The following CCDC174 variants were observed in gnomAD, a reference collection of about 807,000 sequenced individuals.
The protein encoded by CCDC174 is coiled-coil domain-containing protein 174.
CCDC174 carries 37 observed loss-of-function variants against 57.1 expected under a neutral mutation model. The ratio of observed to expected loss-of-function variants is 0.65; its 90% CI spans 0.50 to 0.85. The LOEUF (loss-of-function observed/expected upper bound fraction) is 0.85, where lower values mean the gene tolerates loss of function less well. CCDC174 is among the 40% of genes least tolerant of loss of function. The pLI is 0.00. For synonymous variants in CCDC174, 182 were observed against 190.2 expected (o/e 0.96, Z 0.35); for missense variants, 540 against 574.3 (o/e 0.94, Z 0.61).
At chr3:14,667,790 G>A (rs1052997010) in intron 8 of CCDC174, among the ~76,000 whole-genome samples, 16 of 152,188 alleles carry the variant, frequency 1.1e-4, no homozygotes, top group Non-Finnish European at 8.8e-5. Flanking sequence ...GGATTAAGGT[G>A]TAGGACGGAA....
chr3:14,669,287 A>G (rs1242564325), intron 9 of CCDC174, among the ~76,000 whole-genome samples: 1 of 152,208 alleles, frequency 6.6e-6, no homozygotes. Flanking sequence ...ACAGACCAGA[A>G]ACATTTAGGA....
chr3:14,671,065 T>C lies in CCDC174; in HGVS notation c.1275T>C (p.Pro425=). The C allele has an allele frequency of 1.2e-6, 2 of 1,614,196 alleles. No homozygotes were observed. Among genetic ancestry groups the C allele is most frequent in the South Asian group, 1.1e-5 (1 of 91,088 alleles). ...CACAGAGTGACCCAGGGCAGTGCCCTGACCAGAGCCACGGACCTAGCCCTG... is the reference window on the plus strand; with the variant it reads ...CACAGAGTGACCCAGGGCAGTGCCCCGACCAGAGCCACGGACCTAGCCCTG... ...GPAQSDPGQC[P]DQSHGPSPEH... Residue 425 remains proline, a synonymous_variant, in exon 11 of 11, where the codon CCT becomes CCC. Coordinates refer to ENST00000383794, the MANE Select transcript of CCDC174 (RefSeq NM_016474.5).
At chr3:14,663,598 C>G (rs563591945) in intron 5 of CCDC174, among the ~76,000 whole-genome samples, 2 of 152,272 alleles carry the variant, frequency 1.3e-5, no homozygotes, top group South Asian at 4.1e-4. Context: ...GCAGGGGTTG[C>G]TCAGTGGGTG....
intron 1 of CCDC174, among the ~76,000 whole-genome samples, chr3:14,653,797 C>T (rs998644691): frequency 6.6e-6 from 1 of 152,194 alleles, no homozygotes; most frequent in African/African-American, 2.4e-5. Context: ...TATTTTATTT[C>T]TAGCTGTTGA....
In CCDC174 at chr3:14,671,077, C is replaced by T. The variant is rs769604455; in HGVS notation, c.1287C>T (p.His429=). Residue 429 remains histidine, a synonymous_variant, in exon 11 of 11, where the codon CAC becomes CAT. Transcript: ENST00000383794. The part of the protein sequence containing the change: ...SDPGQCPDQS[H]GPSPEHTSPT... ...CAGGGCAGTGCCCTGACCAGAGCCA[C>T]GGACCTAGCCCTGAACATACGTCAC... The T allele has an allele frequency of 1.2e-5, 20 of 1,614,090 alleles. No individual in the cohort carries two copies. The Admixed American group carries it at 2.5e-4, about 20-fold the overall frequency.
At chr3:14,668,772 A>G (rs1040433832) in intron 9 of CCDC174, among the ~76,000 whole-genome samples, 2 of 152,192 alleles carry the variant, frequency 1.3e-5, no homozygotes, top group African/African-American at 2.4e-5. Flanking sequence ...TGGCTCAAAC[A>G]AAATAGAGAT....
rs2031499959 is a variant in CCDC174 at position 14,671,222 on chromosome 3, G to C, written c.*28G>C. On this transcript the variant is annotated 3_prime_UTR_variant, in exon 11 of 11. Coordinates refer to ENST00000383794, the MANE Select transcript of CCDC174 (RefSeq NM_016474.5). ...TTTCAAAGCACGCTGACTTGGGTTT[G>C]TACTTTGACAGTGCCTTTCTCTCCC... The C allele has an allele frequency of 6.3e-7, 1 of 1,578,060 alleles. No individual in the cohort carries two copies.
At chr3:14,667,948 G>C in intron 8 of CCDC174, 101 bp from the exon 9 acceptor site, 1 of 1,191,162 alleles carries the variant, frequency 8.4e-7, no homozygotes. Context: ...GTGGCCTGAA[G>C]ATCAATTAAC....
At position 14,661,717 on chromosome 3, in the gene CCDC174, ATCATGGATTAGC is replaced by A; in HGVS notation, c.485+14_485+25del. Reference sequence around the variant, plus strand: ...ACCCCAGTGAAGAATGGTTGGTAACATCATGGATTAGCTCAGAGGAACATCCTCAGACTTGCG... The same window carrying A: ...ACCCCAGTGAAGAATGGTTGGTAACATCAGAGGAACATCCTCAGACTTGCG... On this transcript the variant is annotated intron_variant, in intron 5 of 10. Coordinates refer to ENST00000383794, the MANE Select transcript of CCDC174 (RefSeq NM_016474.5). The A allele has an allele frequency of 9.3e-6, 15 of 1,606,214 alleles. No homozygotes were observed. The highest frequency in any genetic ancestry group is 2.7e-5 in the African/African-American group (2 of 74,566).
intron 3 of CCDC174, 152 bp downstream of exon 3, chr3:14,655,781 G>T (rs973956154): frequency 2.2e-5 from 10 of 458,868 alleles, no homozygotes; most frequent in African/African-American, 1.6e-4. Flanking sequence ...AATATAATTT[G>T]CAGATATATC....
At chr3:14,655,437 T>C in intron 2 of CCDC174, 92 bp from the exon 3 acceptor site, 1 of 742,534 alleles carries the variant, frequency 1.3e-6, no homozygotes, top group Admixed American at 2.4e-5. Flanking sequence ...TAAGAACTCA[T>C]GATCTCCTTT....
rs765657012 is a variant in CCDC174, at chr3:14,667,425, G to A, written c.726G>A (p.Glu242=). 4 of 1,613,542 alleles carry A rather than the reference G, an allele frequency of 2.5e-6. No individual in the cohort carries two copies. The highest frequency in any genetic ancestry group is 3.4e-6 in the Non-Finnish European group (4 of 1,179,628). The change falls in exon 8 of 11, where the codon GAG becomes GAA. Residue 242 remains glutamate (E), a splice_region_variant and synonymous_variant. Transcript: ENST00000383794. The part of the protein sequence containing the change: ...PVHYEDIREN[E]ARQLGVGYFA... ...TTGGGTAATTCATACTTCTTTCAGAGGCCCGGCAACTTGGTGTTGGGTATT... is the reference window on the plus strand; with the variant it reads ...TTGGGTAATTCATACTTCTTTCAGAAGCCCGGCAACTTGGTGTTGGGTATT...
chr3:14,663,985 G>A (rs778033990), intron 5 of CCDC174, among the ~76,000 whole-genome samples: 25 of 152,062 alleles, frequency 1.6e-4, no homozygotes, highest in Admixed American at 1.0e-3. Context: ...AAATCTTTCC[G>A]TAAAGATACT....
chr3:14,665,447 C>G (rs1393967192), intron 6 of CCDC174, among the ~76,000 whole-genome samples: 1 of 152,192 alleles, frequency 6.6e-6, no homozygotes, highest in African/African-American at 2.4e-5. Context: ...AGAATATACA[C>G]TTGATTATCC....
intron 1 of CCDC174, among the ~76,000 whole-genome samples, chr3:14,652,386 G>T (rs2030801355): frequency 6.6e-6 from 1 of 152,164 alleles, no homozygotes; most frequent in Non-Finnish European, 1.5e-5. Context: ...GCAGGCATAG[G>T]GAGTTGTGAG....
chr3:14,653,033 T>TC (rs1319039970), intron 1 of CCDC174, among the ~76,000 whole-genome samples: 2 of 152,190 alleles, frequency 1.3e-5, no homozygotes, highest in African/African-American at 4.8e-5. Flanking sequence ...TGAATTTACT[T>TC]CAGAGTATTA....
chr3:14,658,576 C>G (rs2031032029), intron 3 of CCDC174, among the ~76,000 whole-genome samples: 1 of 152,234 alleles, frequency 6.6e-6, no homozygotes, highest in Non-Finnish European at 1.5e-5. Flanking sequence ...ATTCATTCAT[C>G]AAATATTGAT....
At chr3:14,667,014 G>A (rs1405430372) in intron 7 of CCDC174, 67 bp downstream of exon 7, 1 of 1,345,338 alleles carries the variant, frequency 7.4e-7, no homozygotes, top group Non-Finnish European at 1.0e-6. Flanking sequence ...AAACATAAAG[G>A]GAAGTATTCA....
chr3:14,652,302 C>T (rs1442562884), intron 1 of CCDC174, among the ~76,000 whole-genome samples: 2 of 152,306 alleles, frequency 1.3e-5, no homozygotes, highest in East Asian at 3.9e-4. Context: ...CCTCCCAGAA[C>T]TTTAGAGTGT....
Sources: gnomAD v4.1 joint callset for allele counts (sites outside exome capture counted in the v4.1 genomes callset) on GRCh38, gnomAD v4.1.1 for gene constraint, MANE v1.5 for transcripts, NCBI Gene and HGNC (gene_info 2026-07-23, HGNC 2026-07-21) for gene names.